Variants in COG5 observed in about 807,000 individuals in gnomAD.
The protein encoded by COG5 is conserved oligomeric Golgi complex subunit 5.
In COG5, 86 loss-of-function variants were observed where a neutral mutation model predicts 110.4. The ratio of observed to expected loss-of-function variants is 0.78; its 90% CI spans 0.65 to 0.93. The LOEUF is 0.93. Ranked by LOEUF, COG5 falls within the 40% of genes least tolerant of loss-of-function variation. The pLI, the probability that COG5 is intolerant of heterozygous loss-of-function variation, is 0.00. For synonymous variants in COG5, 360 were observed against 334.6 expected (o/e 1.08, Z -0.83); for missense variants, 1,077 against 987.0 (o/e 1.09, Z -1.22).
At chr7:107,225,031 C>T (rs1800223259) in intron 19 of COG5, among the ~76,000 whole-genome samples, 1 of 152,182 alleles carries the variant, frequency 6.6e-6, no homozygotes, top group Non-Finnish European at 1.5e-5. Context: ...CCTACTAAGG[C>T]CTGTGTGTGT....
chr7:107,558,069 A>T lies in COG5; in HGVS notation c.141T>A (p.Tyr47Ter). 3 of 1,613,956 alleles carry T rather than the reference A, an allele frequency of 1.9e-6. No homozygotes were observed. Among genetic ancestry groups the T allele is most frequent in the African/African-American group, 1.3e-5 (1 of 75,062 alleles). The change falls in exon 2 of 22, where the codon TAT becomes TAA. Residue 47 changes from tyrosine (Y) to a stop codon, truncating the protein, a stop_gained. Transcript: ENST00000297135. LOFTEE classifies it high-confidence loss of function. The part of the protein sequence containing the change: ...FLNEDFDVKT[Y>*]TSQSIHQAVI... ...CAGCTTGATGAATAGATTGAGAAGT[A>T]TAAGTCTTTACATCAAAGTCTTCGT...
rs1370414792 is a variant in COG5, at chr7:107,474,045, C to T, written c.538+53192G>A. On this transcript the variant is annotated intron_variant, in intron 6 of 21. Coordinates refer to ENST00000297135, the MANE Select transcript of COG5 (RefSeq NM_006348.5). The surrounding 1 kb of genome is among the most constrained non-coding windows in gnomAD (Gnocchi z 5.7). ...TATTTCACTTTCTAGGGAAAAAAAC[C>T]AACTGCTCCAAAAGAATGTGTTTTT... 1 of 1,413,682 alleles carries T rather than the reference C, an allele frequency of 7.1e-7. No individual in the cohort carries two copies. The highest frequency in any genetic ancestry group is 1.4e-5 in the African/African-American group (1 of 69,618). The allele number at this position is 1,413,682 out of a possible 1,614,324, so 87.6% of individuals were successfully genotyped here. A position where few individuals can be genotyped will look rare whatever the true frequency, so the allele number is the denominator to read the frequency against.
chr7:107,527,428 A>G (rs1800854518), intron 5 of COG5, 71 bp from the exon 6 acceptor site: 1 of 1,547,088 alleles, frequency 6.5e-7, no homozygotes, highest in Admixed American at 1.7e-5. Flanking sequence ...TAGTAATAAC[A>G]AGCACAGTGG....
intron 12 of COG5, among the ~76,000 whole-genome samples, chr7:107,292,896 C>T (rs1022397973): frequency 6.6e-6 from 1 of 152,174 alleles, no homozygotes; most frequent in African/African-American, 2.4e-5. Context: ...TGTAGACATA[C>T]AGCTTAGAAG....
chr7:107,399,414 G>A (rs1305825895), intron 7 of COG5, among the ~76,000 whole-genome samples: 1 of 151,982 alleles, frequency 6.6e-6, no homozygotes, highest in African/African-American at 2.4e-5. Context: ...GGATCATGGG[G>A]GTGGTTTTCC....
chr7:107,348,918 G>A (rs1029441469), intron 10 of COG5, among the ~76,000 whole-genome samples: 5 of 151,318 alleles, frequency 3.3e-5, no homozygotes, highest in African/African-American at 1.2e-4. Context: ...CTGGAGTGCT[G>A]TGATGCCATT....
chr7:107,416,945 C>A (rs914102981), intron 6 of COG5, among the ~76,000 whole-genome samples: 4 of 152,112 alleles, frequency 2.6e-5, no homozygotes, highest in Non-Finnish European at 4.4e-5. Flanking sequence ...AATTATATAA[C>A]CCCATAACAC....
intron 6 of COG5, among the ~76,000 whole-genome samples, chr7:107,433,631 A>T (rs1053611764): frequency 2.0e-5 from 3 of 152,166 alleles, no homozygotes; most frequent in African/African-American, 4.8e-5. Flanking sequence ...TATGCCAAAC[A>T]ATAAAATGGT....
chr7:107,398,681 C>T (rs544870350), intron 7 of COG5, among the ~76,000 whole-genome samples: 2 of 152,116 alleles, frequency 1.3e-5, no homozygotes, highest in East Asian at 1.9e-4. Flanking sequence ...AAAGATTGTG[C>T]TAAGTGAAGA....
intron 18 of COG5, among the ~76,000 whole-genome samples, chr7:107,235,007 T>G (rs59153793): frequency 0.029 from 4,353 of 152,336 alleles, 208 homozygotes; most frequent in African/African-American, 0.098. Flanking sequence ...TCTGTTTTTA[T>G]GCTGTGGCTA....
At chr7:107,365,039 TA>T (rs1304003271) in intron 8 of COG5, among the ~76,000 whole-genome samples, 3 of 152,022 alleles carry the variant, frequency 2.0e-5, no homozygotes, top group African/African-American at 7.2e-5. Context: ...TTATGAATAC[TA>T]AAAAAATAGG....
chr7:107,219,468 T>C (rs927978434), intron 19 of COG5, among the ~76,000 whole-genome samples: 3 of 152,088 alleles, frequency 2.0e-5, no homozygotes, highest in Admixed American at 6.5e-5. Context: ...ATAAAGAAAA[T>C]ATGACATATA....
At chr7:107,314,582 C>T (rs1027863798) in intron 11 of COG5, among the ~76,000 whole-genome samples, 1 of 55,044 alleles carries the variant, frequency 1.8e-5, no homozygotes. Flanking sequence ...ATCTCTACTA[C>T]AAAAAAAAAA....
At chr7:107,548,827 T>C (rs1256577683) in intron 3 of COG5, among the ~76,000 whole-genome samples, 3 of 152,170 alleles carry the variant, frequency 2.0e-5, no homozygotes, top group Non-Finnish European at 4.4e-5. Context: ...GCTTACAACA[T>C]GAGGAAATTT....
chr7:107,521,591 A>G (rs1036347446), intron 6 of COG5, among the ~76,000 whole-genome samples: 1 of 152,232 alleles, frequency 6.6e-6, no homozygotes, highest in South Asian at 2.1e-4. Context: ...ATAATGAGAT[A>G]CCACCTCACG....
At chr7:107,360,586 T>A (rs1813022776) in intron 10 of COG5, among the ~76,000 whole-genome samples, 1 of 152,090 alleles carries the variant, frequency 6.6e-6, no homozygotes, top group Non-Finnish European at 1.5e-5. Context: ...TTTCCAGGTG[T>A]CACTACATTC....
At chr7:107,351,319 T>A (rs1417444216) in intron 10 of COG5, among the ~76,000 whole-genome samples, 1 of 152,198 alleles carries the variant, frequency 6.6e-6, no homozygotes, top group Non-Finnish European at 1.5e-5. Flanking sequence ...CAAGATGGAT[T>A]AAAGACTTAC....
intron 18 of COG5, 31 bp from the exon 19 acceptor site, chr7:107,230,722 A>G (rs1800714931): frequency 1.3e-6 from 2 of 1,503,736 alleles, no homozygotes; most frequent in Middle Eastern, 1.7e-4. Context: ...CCATTGTTGT[A>G]ATGTCAGAAT....
chr7:107,486,511 G>C (rs1797666602), intron 6 of COG5, among the ~76,000 whole-genome samples: 1 of 151,810 alleles, frequency 6.6e-6, no homozygotes, highest in African/African-American at 2.4e-5. Context: ...CAAAGACACA[G>C]TCTTGGAAAA....
Sources: gnomAD v4.1 joint callset for allele counts (sites outside exome capture counted in the v4.1 genomes callset) on GRCh38, gnomAD v4.1.1 for gene constraint, Gnocchi (gnomAD v3.1) non-coding constraint, MANE v1.5 for transcripts, NCBI Gene and HGNC (gene_info 2026-07-23, HGNC 2026-07-21) for gene names.